Variants in ACO2 observed in about 807,000 individuals in gnomAD.
The protein encoded by ACO2 is aconitate hydratase, mitochondrial.
In ACO2, 31 loss-of-function variants were observed where a neutral mutation model predicts 84.5. The observed-to-expected ratio is 0.37, with a 90% CI of 0.28 to 0.50. The LOEUF (loss-of-function observed/expected upper bound fraction) is 0.50, where lower values mean the gene tolerates loss of function less well. ACO2 is among the 20% of genes least tolerant of loss of function. The pLI, the probability that ACO2 is intolerant of heterozygous loss-of-function variation, is 0.97. For synonymous variants in ACO2, 414 were observed against 412.7 expected (o/e 1.00, Z -0.04); for missense variants, 685 against 1,029.3 (o/e 0.67, Z 4.58).
chr22:41,522,582 G>C (rs2066535591), intron 9 of ACO2, among the ~76,000 whole-genome samples: 1 of 152,182 alleles, frequency 6.6e-6, no homozygotes, highest in Admixed American at 6.5e-5. Context: ...AGGGGTCATA[G>C]TCCTAATGTG....
In ACO2 at chr22:41,528,012, C is replaced by A. The variant is rs760469112; in HGVS notation, c.2198C>A (p.Thr733Asn). 12 of 1,614,038 alleles carry A rather than the reference C, an allele frequency of 7.4e-6. No homozygotes were observed. Among genetic ancestry groups the A allele is most frequent in the African/African-American group, 1.3e-5 (1 of 74,922 alleles). ...ACCATTCAGGGCCTGAAGGACTTCA[C>A]CCCTGGCAAGGTTAGGGGCCCGGGT... ...KLTIQGLKDF[T>N]PGKPLKCIIK... The change falls in exon 17 of 18, where the codon ACC becomes AAC. Residue 733 changes from threonine (T) to asparagine (N), a missense_variant. Around this residue, in one of 5 missense-constraint regions of ACO2, gnomAD observed 174 missense variants for 236.6 expected, o/e 0.74. Transcript: ENST00000216254.
chr22:41,487,922 T>TCA lies in ACO2; in HGVS notation c.37-11800_37-11799dup, dbSNP rs576362734. ...TAAGTTATATTCTTGATTCCTTCTC[T>TCA]CACACCCCTTGGCCAACTTTTCAGC... On this transcript the variant is annotated intron_variant, in intron 1 of 17. Coordinates refer to ENST00000216254, the MANE Select transcript of ACO2 (RefSeq NM_001098.3). Among the ~76,000 whole-genome samples, 5 of 152,270 alleles carry TCA rather than the reference T, an allele frequency of 3.3e-5. No homozygotes were observed. The South Asian group carries it at 1.0e-3, about 32-fold the overall frequency.
At chr22:41,482,482 G>T (rs55756111) in intron 1 of ACO2, among the ~76,000 whole-genome samples, 2,304 of 152,360 alleles carry the variant, frequency 0.015, 57 homozygotes, top group African/African-American at 0.051. Flanking sequence ...GGAGGTGATA[G>T]TTACTCCAAA....
At chr22:41,499,694 A>G (rs1305463363) in intron 1 of ACO2, 32 bp from the exon 2 acceptor site, 1 of 1,606,338 alleles carries the variant, frequency 6.2e-7, no homozygotes, top group Non-Finnish European at 8.5e-7. Context: ...TAAGTGCTCC[A>G]TTGACAGTGG....
intron 1 of ACO2, among the ~76,000 whole-genome samples, chr22:41,470,445 A>G (rs2037931155): frequency 6.6e-6 from 1 of 152,076 alleles, no homozygotes; most frequent in African/African-American, 2.4e-5. Flanking sequence ...TTAAAGTAAA[A>G]TCATCATTTA....
chr22:41,521,086 T>TGGCAG (rs1480152437), intron 9 of ACO2, among the ~76,000 whole-genome samples: 1 of 151,680 alleles, frequency 6.6e-6, no homozygotes, highest in Non-Finnish European at 1.5e-5. Flanking sequence ...TACTTTTTCT[T>TGGCAG]GGCAGAAAAG....
At chr22:41,493,939 A>T (rs1273068441) in intron 1 of ACO2, among the ~76,000 whole-genome samples, 1 of 152,056 alleles carries the variant, frequency 6.6e-6, no homozygotes, top group Non-Finnish European at 1.5e-5. Context: ...CATGCCTGTA[A>T]TCCCAGCTAC....
chr22:41,488,514 C>G (rs188794221), intron 1 of ACO2, among the ~76,000 whole-genome samples: 8 of 152,316 alleles, frequency 5.3e-5, no homozygotes, highest in South Asian at 4.1e-4. Flanking sequence ...ATCATTCTCC[C>G]TGTTTTATAG....
chr22:41,492,250 A>C (rs1044334420), intron 1 of ACO2, among the ~76,000 whole-genome samples: 3 of 152,256 alleles, frequency 2.0e-5, no homozygotes, highest in African/African-American at 7.2e-5. Context: ...TTTATTTAAC[A>C]TATGAGAGAT....
intron 1 of ACO2, among the ~76,000 whole-genome samples, chr22:41,479,292 C>T (rs1162106806): frequency 6.6e-6 from 1 of 152,150 alleles, no homozygotes; most frequent in Non-Finnish European, 1.5e-5. Context: ...AACGCATTAC[C>T]CACCATCTGT....
intron 2 of ACO2, among the ~76,000 whole-genome samples, chr22:41,506,316 T>A (rs963806209): frequency 1.3e-5 from 2 of 151,862 alleles, no homozygotes; most frequent in African/African-American, 4.8e-5. Flanking sequence ...GCAGTGGCGC[T>A]ATCTCAGCTC....
rs1601909682 is a variant in ACO2, at chr22:41,508,040, C to T, written c.423C>T (p.Arg141=). 6.2e-7 allele frequency: 1 copy of T among 1,610,732 alleles called. No homozygotes were observed. The highest frequency in any genetic ancestry group is 8.5e-7 in the Non-Finnish European group (1 of 1,177,252). The change falls in exon 3 of 18, where the codon CGC becomes CGT. Residue 141 remains arginine, a synonymous_variant. Coordinates refer to ENST00000216254, the MANE Select transcript of ACO2 (RefSeq NM_001098.3). ...AGGTTGGGGGCGAGAAAGACCTGCG[C>T]CGGGCCAAGGTGAGCAGAAGGTGGC... ...EAQVGGEKDL[R]RAKDINQEVY... is the part of the protein sequence containing the mutation.
chr22:41,528,806 C>A lies in ACO2; in HGVS notation c.*193C>A. ...CTTAAAATAACTTTTTAGCCCCCGT[C>A]TTCCTATTTTGAGTTTGGTTCAGAT... On this transcript the variant is annotated 3_prime_UTR_variant, in exon 18 of 18. Transcript: ENST00000216254. The A allele has an allele frequency of 2.7e-6, 2 of 734,976 alleles. No homozygotes were observed. Among genetic ancestry groups the A allele is most frequent in the Non-Finnish European group, 4.3e-6 (2 of 469,238 alleles). The allele number at this position is 734,976 out of a possible 1,614,324, so 45.5% of individuals were successfully genotyped here.
In ACO2 at chr22:41,515,045, C is replaced by A. The variant is rs1271201259; in HGVS notation, c.526-332C>A. Among the ~76,000 whole-genome samples the A allele has an allele frequency of 6.6e-6, 1 of 152,224 alleles. No individual in the cohort carries two copies. Among genetic ancestry groups the A allele is most frequent in the Non-Finnish European group, 1.5e-5 (1 of 68,040 alleles). On this transcript the variant is annotated intron_variant, in intron 4 of 17. Coordinates refer to ENST00000216254, the MANE Select transcript of ACO2 (RefSeq NM_001098.3). This position sits in a 1 kb window ranked among gnomAD's most constrained non-coding sequence, Gnocchi z 5.8. ...GCCTGGGCCCATCACAGGACAGTTT[C>A]TCTGGTTCTTGTCACATCCTGGGGT...
At chr22:41,518,838 C>T (rs550815274) in intron 8 of ACO2, among the ~76,000 whole-genome samples, 27 of 152,124 alleles carry the variant, frequency 1.8e-4, no homozygotes, top group African/African-American at 6.3e-4. Flanking sequence ...CCCAGCTATT[C>T]AGGAGGCTGA....
chr22:41,521,961 G>A (rs2066530287), intron 9 of ACO2, among the ~76,000 whole-genome samples: 1 of 152,068 alleles, frequency 6.6e-6, no homozygotes, highest in Non-Finnish European at 1.5e-5. Context: ...TAGTAGAGAT[G>A]GGGGTTTCAC....
chr22:41,526,678 G>A, intron 15 of ACO2: 1 of 508,584 alleles, frequency 2.0e-6, no homozygotes, highest in East Asian at 3.1e-5. Context: ...GGAGGAGTTA[G>A]TGAGAGATAT....
At chr22:41,512,130 A>G in intron 4 of ACO2, 162 bp downstream of exon 4, 1 of 550,282 alleles carries the variant, frequency 1.8e-6, no homozygotes, top group South Asian at 2.3e-5. Context: ...ACTGATTTTC[A>G]TTATGTCATT....
intron 16 of ACO2, 133 bp from the exon 17 acceptor site, chr22:41,527,768 C>T (rs1017197123): frequency 4.1e-6 from 6 of 1,456,830 alleles, no homozygotes; most frequent in Admixed American, 1.9e-5. Flanking sequence ...AGACCAGGGC[C>T]CCATAGTCAC....
Sources: allele counts gnomAD v4.1 joint callset (sites outside exome capture counted in the v4.1 genomes callset), GRCh38; gene constraint gnomAD v4.1.1; regional missense constraint gnomAD v4.1.1; non-coding constraint Gnocchi (gnomAD v3.1); transcripts MANE v1.5; gene names NCBI Gene and HGNC (gene_info 2026-07-23, HGNC 2026-07-21).